COL21A1: variants seen among roughly 807,000 people sequenced by gnomAD.
The protein encoded by COL21A1 is collagen alpha-1(XXI) chain.
In COL21A1, 149 loss-of-function variants were observed where a neutral mutation model predicts 137.9. The observed-to-expected ratio is 1.08, with a 90% CI of 0.95 to 1.24. The LOEUF (loss-of-function observed/expected upper bound fraction) is 1.24, where lower values mean the gene tolerates loss of function less well. Among genes scored for constraint, COL21A1 ranks in the 50% most tolerant of loss-of-function variants. The pLI is 0.00. For synonymous variants in COL21A1, 456 were observed against 391.5 expected (o/e 1.16, Z -1.95); for missense variants, 1,167 against 1,158.4 (o/e 1.01, Z -0.11).
At chr6:56,302,433 A>G (rs1300226667) in intron 1 of COL21A1, among the ~76,000 whole-genome samples, 1 of 152,016 alleles carries the variant, frequency 6.6e-6, no homozygotes, top group Non-Finnish European at 1.5e-5. Context: ...AACTGGTGTG[A>G]CATGGTATCT....
intron 1 of COL21A1, among the ~76,000 whole-genome samples, chr6:56,366,865 G>C (rs752636506): frequency 2.0e-5 from 3 of 152,206 alleles, no homozygotes; most frequent in Non-Finnish European, 4.4e-5. Flanking sequence ...GCCAGTTTGC[G>C]TGCTTAGCAG....
chr6:56,357,018 T>G (rs1314853083), intron 1 of COL21A1, among the ~76,000 whole-genome samples: 4 of 152,162 alleles, frequency 2.6e-5, no homozygotes, highest in African/African-American at 4.8e-5. Flanking sequence ...TATCATAAAT[T>G]TACTTCTTTG....
chr6:56,308,606 C>T (rs182107095), intron 1 of COL21A1, among the ~76,000 whole-genome samples: 9 of 152,222 alleles, frequency 5.9e-5, no homozygotes, highest in Admixed American at 2.6e-4. Context: ...ACTCAAAGGA[C>T]GTGAAGTTTC....
At chr6:56,087,851 T>G (rs1768406276) in intron 17 of COL21A1, among the ~76,000 whole-genome samples, 1 of 152,126 alleles carries the variant, frequency 6.6e-6, no homozygotes, top group Admixed American at 6.6e-5. Context: ...GATATCCATT[T>G]CTCCTCAATG....
intron 1 of COL21A1, among the ~76,000 whole-genome samples, chr6:56,349,899 G>A (rs1216593247): frequency 1.3e-5 from 2 of 152,176 alleles, no homozygotes; most frequent in South Asian, 2.1e-4. Flanking sequence ...GGGGGCCTGG[G>A]ACATCATTAG....
At chr6:56,097,920 AATATATAAAT>A in intron 17 of COL21A1, among the ~76,000 whole-genome samples, 1 of 93,708 alleles carries the variant, frequency 1.1e-5, no homozygotes, top group African/African-American at 4.5e-5. Context: ...AATATATATA[AATATATAAAT>A]ATATAAAAAT....
At chr6:56,114,976 T>C (rs1342532675) in intron 16 of COL21A1, among the ~76,000 whole-genome samples, 1 of 151,430 alleles carries the variant, frequency 6.6e-6, no homozygotes, top group African/African-American at 2.4e-5. Flanking sequence ...ATATACACCA[T>C]GGAATACTAT....
At chr6:56,107,960 G>A (rs12192012) in intron 16 of COL21A1, among the ~76,000 whole-genome samples, 1 of 151,748 alleles carries the variant, frequency 6.6e-6, no homozygotes, top group Admixed American at 6.6e-5. Context: ...GGAGAAAATA[G>A]AATTCATTAA....
intron 10 of COL21A1, among the ~76,000 whole-genome samples, chr6:56,153,850 C>A (rs1422380097): frequency 6.6e-6 from 1 of 152,178 alleles, no homozygotes; most frequent in Non-Finnish European, 1.5e-5. Flanking sequence ...TAAGAGAGCC[C>A]TGTGGTCAGT....
chr6:56,248,460 A>G (rs1480811449), upstream of COL21A1, among the ~76,000 whole-genome samples: 2 of 152,108 alleles, frequency 1.3e-5, no homozygotes, highest in Non-Finnish European at 2.9e-5. Context: ...GGAATGCCCA[A>G]CCCCACTTTG....
At chr6:56,125,660 T>A in intron 13 of COL21A1, 40 bp from the exon 14 acceptor site, 1 of 1,294,120 alleles carries the variant, frequency 7.7e-7, no homozygotes, top group Non-Finnish European at 1.1e-6. Flanking sequence ...TTAAGAAATA[T>A]GAATATTTTT....
intron 1 of COL21A1, among the ~76,000 whole-genome samples, chr6:56,328,064 T>C (rs1401059420): frequency 6.6e-6 from 1 of 152,038 alleles, no homozygotes; most frequent in Admixed American, 6.6e-5. Flanking sequence ...GTTGGGTCAT[T>C]TTAAATGTTT....
intron 1 of COL21A1, among the ~76,000 whole-genome samples, chr6:56,307,563 C>A (rs1421533693): frequency 6.6e-6 from 1 of 152,196 alleles, no homozygotes; most frequent in Non-Finnish European, 1.5e-5. Flanking sequence ...TTTGCTAAGA[C>A]CGTTGGAAAA....
rs1227225559 is a variant in COL21A1 at position 56,056,895 on chromosome 6, C to T, written c.*762G>A. On this transcript the variant is annotated 3_prime_UTR_variant, in exon 30 of 30. Transcript: ENST00000244728. ...AAATGAAGGCATACAACAAACATTC[C>T]GATTAATCAACAAGTATAAAATAGT... is the stretch of plus-strand genomic sequence containing the variant. 6.6e-6 allele frequency: 1 copy of T among 152,088 alleles called. No individual in the cohort carries two copies. Among genetic ancestry groups the T allele is most frequent in the African/African-American group, 2.4e-5 (1 of 41,426 alleles). 9.4% of individuals were successfully genotyped at this position (152,088 alleles called of 1,614,324 possible).
intron 1 of COL21A1, among the ~76,000 whole-genome samples, chr6:56,329,359 G>A (rs966700921): frequency 6.6e-6 from 1 of 152,110 alleles, no homozygotes; most frequent in Non-Finnish European, 1.5e-5. Context: ...TTGCATGGCT[G>A]TGGGGGAGGA....
At chr6:56,121,560 G>GTATA (rs150897399) in intron 16 of COL21A1, among the ~76,000 whole-genome samples, 2 of 143,362 alleles carry the variant, frequency 1.4e-5, no homozygotes, top group African/African-American at 5.2e-5. Flanking sequence ...ATGTATATGT[G>GTATA]TATATATATA....
chr6:56,273,882 T>C (rs1435208791), intron 1 of COL21A1, among the ~76,000 whole-genome samples: 3 of 152,140 alleles, frequency 2.0e-5, no homozygotes, highest in Non-Finnish European at 4.4e-5. Context: ...CATTCTATGA[T>C]GCCAGCATCA....
intron 1 of COL21A1, among the ~76,000 whole-genome samples, chr6:56,326,007 TTATGTATATGTATATA>T (rs1235113884): frequency 0.15 from 357 of 2,330 alleles, 14 homozygotes; most frequent in African/African-American, 0.22. Flanking sequence ...CATACATATA[TTATGTATATGTATATA>T]CATAATATAT....
chr6:56,356,032 T>G (rs1451520211), intron 1 of COL21A1, among the ~76,000 whole-genome samples: 1 of 152,202 alleles, frequency 6.6e-6, no homozygotes, highest in Non-Finnish European at 1.5e-5. Flanking sequence ...TTTCAATATT[T>G]CCTGAGATTC....
Sources: gnomAD v4.1 joint callset for allele counts (sites outside exome capture counted in the v4.1 genomes callset) on GRCh38, gnomAD v4.1.1 for gene constraint, MANE v1.5 for transcripts, NCBI Gene and HGNC (gene_info 2026-07-23, HGNC 2026-07-21) for gene names.